ANKRD17: variants seen among roughly 807,000 people sequenced by gnomAD.
ANKRD17 encodes ankyrin repeat domain-containing protein 17.
In ANKRD17, 19 loss-of-function variants were observed where a neutral mutation model predicts 229.7. The ratio of observed to expected loss-of-function variants is 0.08; its 90% CI spans 0.06 to 0.12. The LOEUF (loss-of-function observed/expected upper bound fraction) is 0.12, where lower values mean the gene tolerates loss of function less well. ANKRD17 is among the 10% of genes least tolerant of loss of function. ANKRD17 has a pLI of 1.00. For synonymous variants in ANKRD17, 1,112 were observed against 1,146.1 expected (o/e 0.97, Z 0.60); for missense variants, 2,176 against 3,176.8 (o/e 0.68, Z 7.57).
intron 1 of ANKRD17, among the ~76,000 whole-genome samples, chr4:73,219,508 A>C (rs1741575823): frequency 6.6e-6 from 1 of 152,258 alleles, no homozygotes; most frequent in Non-Finnish European, 1.5e-5. Flanking sequence ...CTTCCTTGAG[A>C]CTCTTTCAAT....
intron 1 of ANKRD17, among the ~76,000 whole-genome samples, chr4:73,250,691 G>C (rs902274318): frequency 6.9e-6 from 1 of 144,246 alleles, no homozygotes; most frequent in African/African-American, 2.6e-5. Flanking sequence ...AACGGTTTTT[G>C]TTGTTGTTGT....
At chr4:73,129,804 G>T (rs183971973) in intron 16 of ANKRD17, among the ~76,000 whole-genome samples, 1 of 142,892 alleles carries the variant, frequency 7.0e-6, no homozygotes, top group Non-Finnish European at 1.5e-5. Flanking sequence ...TTGCTCTGTC[G>T]CCAAGGCTAG....
intron 1 of ANKRD17, among the ~76,000 whole-genome samples, chr4:73,179,393 T>C (rs866709376): frequency 6.8e-6 from 1 of 147,380 alleles, no homozygotes; most frequent in African/African-American, 2.5e-5. Context: ...TAAAATTATA[T>C]ATATTTTAAA....
chr4:73,167,937 G>T (rs1225467704), intron 2 of ANKRD17, among the ~76,000 whole-genome samples: 1 of 151,856 alleles, frequency 6.6e-6, no homozygotes, highest in Non-Finnish European at 1.5e-5. Context: ...TGGATCACGA[G>T]GTCAGGAGAT....
At chr4:73,247,340 A>G (rs1744589721) in intron 1 of ANKRD17, among the ~76,000 whole-genome samples, 1 of 152,098 alleles carries the variant, frequency 6.6e-6, no homozygotes, top group South Asian at 2.1e-4. Context: ...TAACATGTGC[A>G]TACTCTAGCC....
Position 73,156,006 on chromosome 4 carries a change from T to G in ANKRD17, c.852+13A>C. On this transcript the variant is annotated intron_variant, in intron 4 of 33. Coordinates refer to ENST00000358602, the MANE Select transcript of ANKRD17 (RefSeq NM_032217.5). The stretch of plus-strand genomic sequence containing the variant: ...AAAAAACAACAAATAAGCTTTATTT[T>G]GATAATACGAACCTGTGCAAGCTCA... 1 of 1,560,742 alleles carries G rather than the reference T, an allele frequency of 6.4e-7. No homozygotes were observed. Among genetic ancestry groups the G allele is most frequent in the South Asian group, 1.2e-5 (1 of 82,608 alleles).
chr4:73,255,563 G>A (rs993519862), intron 1 of ANKRD17, among the ~76,000 whole-genome samples: 2 of 152,132 alleles, frequency 1.3e-5, no homozygotes, highest in Non-Finnish European at 2.9e-5. Context: ...CTGCTGACAT[G>A]TCAGTAAAAT....
intron 25 of ANKRD17, among the ~76,000 whole-genome samples, chr4:73,100,009 AGGAG>A (rs1180106481): frequency 6.6e-6 from 1 of 152,030 alleles, no homozygotes; most frequent in Non-Finnish European, 1.5e-5. Flanking sequence ...ACCAATAACA[AGGAG>A]CTCACCCTGC....
At chr4:73,183,025 G>C (rs1735787999) in intron 1 of ANKRD17, among the ~76,000 whole-genome samples, 1 of 152,064 alleles carries the variant, frequency 6.6e-6, no homozygotes, top group Admixed American at 6.6e-5. Context: ...AGAATCACTG[G>C]GTTAAATATA....
At chr4:73,200,801 T>G (rs922201612) in intron 1 of ANKRD17, among the ~76,000 whole-genome samples, 5 of 152,102 alleles carry the variant, frequency 3.3e-5, no homozygotes, top group African/African-American at 1.2e-4. Flanking sequence ...TTCTCAATAC[T>G]GTGCTAGGCA....
At position 73,192,625 on chromosome 4, in the gene ANKRD17, G is replaced by C. The variant is rs150779716; in HGVS notation, c.394-15092C>G. On this transcript the variant is annotated intron_variant, in intron 1 of 33. Coordinates refer to ENST00000358602, the MANE Select transcript of ANKRD17 (RefSeq NM_032217.5). ...TTAATGAGAAAAAACAACTTCTTTA[G>C]ACTTTCAAACAAAAATATAAAGAAT... Among the ~76,000 whole-genome samples the C allele has an allele frequency of 5.4e-3, 818 of 151,966 alleles. 16 individuals are homozygous for C. The highest frequency in any genetic ancestry group is 0.041 in the Admixed American group (632 of 15,276).
intron 3 of ANKRD17, among the ~76,000 whole-genome samples, chr4:73,158,091 G>C (rs927023154): frequency 9.2e-5 from 13 of 141,980 alleles, no homozygotes; most frequent in Non-Finnish European, 1.7e-4. Context: ...ACTCCATCTT[G>C]AAGGAAAGAA....
chr4:73,232,422 TC>T (rs1418199728), intron 1 of ANKRD17, among the ~76,000 whole-genome samples: 1 of 152,128 alleles, frequency 6.6e-6, no homozygotes, highest in Non-Finnish European at 1.5e-5. Context: ...TTTTTGTACT[TC>T]CGAATTTTTC....
intron 8 of ANKRD17, among the ~76,000 whole-genome samples, chr4:73,148,189 T>A (rs557844777): frequency 3.3e-5 from 5 of 152,324 alleles, no homozygotes; most frequent in African/African-American, 9.6e-5. Context: ...AAGTTTTTTT[T>A]AAAAGTGTCA....
intron 22 of ANKRD17, 122 bp downstream of exon 22, chr4:73,118,566 G>T: frequency 2.8e-6 from 3 of 1,053,728 alleles, no homozygotes; most frequent in South Asian, 1.6e-5. Context: ...GTAATTATTT[G>T]CATATTATTG....
intron 16 of ANKRD17, among the ~76,000 whole-genome samples, chr4:73,131,704 C>G (rs568498094): frequency 2.7e-4 from 41 of 152,276 alleles, no homozygotes; most frequent in Non-Finnish European, 5.1e-4. Flanking sequence ...CACTAATTAG[C>G]TGTTGGGCAA....
chr4:73,098,025 T>C (rs772425822), intron 26 of ANKRD17, 48 bp downstream of exon 26: 56 of 1,491,064 alleles, frequency 3.8e-5, no homozygotes, highest in South Asian at 2.7e-4. Context: ...AGTAATAAGG[T>C]ATTTCATGAT....
intron 1 of ANKRD17, among the ~76,000 whole-genome samples, chr4:73,192,354 AC>A (rs1560694441): frequency 6.6e-6 from 1 of 152,088 alleles, no homozygotes; most frequent in East Asian, 1.9e-4. Flanking sequence ...AGCAAAAAAA[AC>A]AAAAACAAAA....
In ANKRD17 at chr4:73,183,525, T is replaced by A. The variant is rs184595115; in HGVS notation, c.394-5992A>T. Among the ~76,000 whole-genome samples, 198 of 152,134 alleles carry A rather than the reference T, an allele frequency of 1.3e-3. 1 individual carries two copies. In the East Asian group the frequency reaches 0.029, roughly 23 times the overall value. On this transcript the variant is annotated intron_variant, in intron 1 of 33. Coordinates refer to ENST00000358602, the MANE Select transcript of ANKRD17 (RefSeq NM_032217.5). ...CTGGAGTGCAGTGGCAGAATCTCGG[T>A]TCACTGCAGCCTCTGGCCTCCTGGG...
Sources: allele counts gnomAD v4.1 joint callset (sites outside exome capture counted in the v4.1 genomes callset), GRCh38; gene constraint gnomAD v4.1.1; transcripts MANE v1.5; gene names NCBI Gene and HGNC (gene_info 2026-07-23, HGNC 2026-07-21).